Variants in POP1 observed in about 807,000 individuals in gnomAD.
The protein encoded by POP1 is POP1 ribonuclease P/MRP subunit, also known as ribonucleases P/MRP protein subunit POP1.
In POP1, 75 loss-of-function variants were observed where a neutral mutation model predicts 102.2. That is an observed-to-expected ratio of 0.73 (90% CI 0.61 to 0.89). POP1 has a LOEUF of 0.89. Ranked by LOEUF, POP1 falls within the 40% of genes least tolerant of loss-of-function variation. POP1 has a pLI of 0.00. For synonymous variants in POP1, 436 were observed against 464.1 expected (o/e 0.94, Z 0.78); for missense variants, 1,116 against 1,267.4 (o/e 0.88, Z 1.81).
rs1816472081 is a variant in POP1 at position 98,134,460 on chromosome 8, T to C, written c.824-12T>C. 3 of 1,613,882 alleles carry C rather than the reference T, an allele frequency of 1.9e-6. No homozygotes were observed. Among genetic ancestry groups the C allele is most frequent in the Non-Finnish European group, 2.5e-6 (3 of 1,179,984 alleles). On this transcript the variant is annotated splice_polypyrimidine_tract_variant and intron_variant, in intron 6 of 15. Coordinates refer to ENST00000401707, the MANE Select transcript of POP1 (RefSeq NM_001145860.2). The stretch of plus-strand genomic sequence containing the variant: ...ACCCGGAATTATGGAATTTTGCTTT[T>C]GTTGATGTCAGGGCTGACGTTTGCA...
Position 98,157,658 on chromosome 8 carries a change from C to T in POP1, c.2462C>T (p.Pro821Leu), listed in dbSNP as rs763075621. ...AAGCAACTGTCAGCCTGGTGTGGGC[C>T]CAGTTCTGAGGATAGTCGGGGAGGC... ...LLKQLSAWCG[P>L]SSEDSRGGRR... is the part of the protein sequence containing the mutation. The change falls in exon 16 of 16, where the codon CCC becomes CTC. Residue 821 changes from proline (P) to leucine (L), a missense_variant. Transcript: ENST00000401707. 3.7e-6 allele frequency: 6 copies of T among 1,614,172 alleles called. No homozygotes were observed. The South Asian group carries it at 5.5e-5, about 15-fold the overall frequency.
intron 9 of POP1, 94 bp from the exon 10 acceptor site, chr8:98,139,981 TAGA>T: frequency 1.1e-6 from 1 of 923,882 alleles, no homozygotes; most frequent in Non-Finnish European, 1.7e-6. Context: ...TTTCCACACA[TAGA>T]AGAAGAAAGA....
At chr8:98,132,101 C>T (rs906353829) in intron 5 of POP1, among the ~76,000 whole-genome samples, 8 of 152,038 alleles carry the variant, frequency 5.3e-5, no homozygotes, top group Admixed American at 2.6e-4. Flanking sequence ...TTTGATCAGC[C>T]CTAAGTAATA....
Position 98,119,316 on chromosome 8 carries a change from A to G in POP1, c.-3+1926A>G, listed in dbSNP as rs184362704. 2.0e-5 allele frequency among the ~76,000 whole-genome samples: 3 copies of G among 152,352 alleles called. No individual in the cohort carries two copies. In the East Asian group the frequency reaches 5.8e-4, roughly 29 times the overall value. On this transcript the variant is annotated intron_variant, in intron 1 of 15. Transcript: ENST00000401707. ...CCTTTATTCTTAAGACAGATTTTATATCAAGTCTGAATCACCAACTTTTTA... is the reference window on the plus strand; with the variant it reads ...CCTTTATTCTTAAGACAGATTTTATGTCAAGTCTGAATCACCAACTTTTTA...
intron 4 of POP1, among the ~76,000 whole-genome samples, chr8:98,129,329 CA>C (rs1344856647): frequency 2.0e-5 from 3 of 152,192 alleles, no homozygotes; most frequent in African/African-American, 7.2e-5. Flanking sequence ...TAGACTTGAA[CA>C]TTCTAAGATT....
intron 11 of POP1, among the ~76,000 whole-genome samples, chr8:98,142,985 G>A (rs918183954): frequency 1.8e-4 from 28 of 152,156 alleles, no homozygotes; most frequent in African/African-American, 6.5e-4. Flanking sequence ...ATTTCCAAAT[G>A]AGAAAGCCTT....
Position 98,136,541 on chromosome 8 carries a change from C to T in POP1, c.1071C>T (p.Val357=). The T allele has an allele frequency of 6.2e-7, 1 of 1,614,002 alleles. No individual in the cohort carries two copies. The part of the protein sequence containing the change: ...CQCVEPIKSA[V]CIADPLPTPS... Reference sequence around the variant, plus strand: ...GTGTGGAACCCATCAAATCAGCTGTCTGCATCGCTGACCCACTTCCAACAC... The same window carrying T: ...GTGTGGAACCCATCAAATCAGCTGTTTGCATCGCTGACCCACTTCCAACAC... Residue 357 remains valine, a synonymous_variant, in exon 8 of 16, where the codon GTC becomes GTT. Transcript: ENST00000401707.
chr8:98,128,448 T>C lies in POP1; in HGVS notation c.394T>C (p.Phe132Leu). The change falls in exon 4 of 16, where the codon TTT (phenylalanine) becomes CTT (leucine). Residue 132 changes from phenylalanine (F) to leucine (L), a missense_variant. Coordinates refer to ENST00000401707, the MANE Select transcript of POP1 (RefSeq NM_001145860.2). ...CCAGAAGTCTTCGAATTCACTGGTT[T>C]TTCAGACTCTGCCACGGCACATGCG... ...VTQKSSNSLV[F>L]QTLPRHMRRR... The C allele has an allele frequency of 6.2e-7, 1 of 1,614,108 alleles. No individual in the cohort carries two copies.
Position 98,117,376 on chromosome 8 carries a change from C to A in POP1, c.-17C>A. 2.2e-6 allele frequency: 1 copy of A among 463,198 alleles called. No homozygotes were observed. 28.7% of individuals were successfully genotyped at this position (463,198 alleles called of 1,614,324 possible). On this transcript the variant is annotated 5_prime_UTR_variant, in exon 1 of 16. Transcript: ENST00000401707. ...TTGTCATTCTGACCCGGGGATTCCT[C>A]ACAGCGTCTGGCAGGTTGGTCGTGA...
chr8:98,123,236 G>C (rs1470400588), intron 1 of POP1, 100 bp from the exon 2 acceptor site: 2 of 1,386,642 alleles, frequency 1.4e-6, no homozygotes, highest in African/African-American at 2.9e-5. Context: ...TCCATCAATA[G>C]ACTTATTTTG....
chr8:98,126,493 A>G (rs982253947), intron 2 of POP1, among the ~76,000 whole-genome samples: 9 of 152,198 alleles, frequency 5.9e-5, no homozygotes, highest in African/African-American at 2.2e-4. Context: ...CAGCTGTGAT[A>G]TAAATATTTC....
At chr8:98,127,845 C>T in intron 3 of POP1, 83 bp downstream of exon 3, 1 of 1,410,856 alleles carries the variant, frequency 7.1e-7, no homozygotes, top group Non-Finnish European at 1.0e-6. Flanking sequence ...TCCTTGTGGT[C>T]CTGGCTCTGC....
At chr8:98,137,175 A>G (rs1299354458) in intron 9 of POP1, among the ~76,000 whole-genome samples, 1 of 152,218 alleles carries the variant, frequency 6.6e-6, no homozygotes, top group Non-Finnish European at 1.5e-5. Flanking sequence ...TTACTTAAAT[A>G]CAGACTGCTC....
chr8:98,134,738 T>A, intron 7 of POP1, 79 bp downstream of exon 7: 2 of 1,392,718 alleles, frequency 1.4e-6, no homozygotes, highest in East Asian at 2.3e-5. Context: ...TGTAGAAATG[T>A]AAATAGTGTA....
At position 98,156,198 on chromosome 8, in the gene POP1, A is replaced by T. The variant is rs1809642953; in HGVS notation, c.2206A>T (p.Ser736Cys). Reference sequence around the variant, plus strand: ...AGCTTCATCTCCAAATGGTAAGGAGAGTGACCTAAGAAGATCTGAGGTGCC... The same window carrying T: ...AGCTTCATCTCCAAATGGTAAGGAGTGTGACCTAAGAAGATCTGAGGTGCC... ...SVASSPNGKE[S>C]DLRRSEVPCA... Residue 736 changes from serine to cysteine, a missense_variant, in exon 15 of 16, where the codon AGT (serine) becomes TGT (cysteine). Ser to Cys is a moderately radical substitution (Grantham distance 112). Transcript: ENST00000401707. 1.2e-6 allele frequency: 2 copies of T among 1,613,978 alleles called. No individual in the cohort carries two copies. Among genetic ancestry groups the T allele is most frequent in the African/African-American group, 2.7e-5 (2 of 74,870 alleles).
At chr8:98,125,115 C>T (rs998460100) in intron 2 of POP1, among the ~76,000 whole-genome samples, 12 of 151,560 alleles carry the variant, frequency 7.9e-5, no homozygotes, top group African/African-American at 2.9e-4. Flanking sequence ...TAATTAACAC[C>T]ACAATTGAAA....
chr8:98,155,921 GT>G, intron 14 of POP1, 128 bp from the exon 15 acceptor site: 5 of 635,052 alleles, frequency 7.9e-6, no homozygotes, highest in Non-Finnish European at 7.9e-6. Flanking sequence ...GTGTGTGTGT[GT>G]GTGTGTGTGT....
intron 1 of POP1, chr8:98,117,846 TG>T (rs1173221940): frequency 6.6e-6 from 1 of 152,360 alleles, no homozygotes; most frequent in Non-Finnish European, 1.5e-5. Context: ...GATGGTGATC[TG>T]GAATGGCCCA....
intron 13 of POP1, among the ~76,000 whole-genome samples, chr8:98,150,131 C>T (rs535731995): frequency 3.3e-5 from 5 of 152,262 alleles, no homozygotes; most frequent in Non-Finnish European, 4.4e-5. Flanking sequence ...CCGCTGATTT[C>T]GGTATTTGCT....
Sources: gnomAD v4.1 joint callset for allele counts (sites outside exome capture counted in the v4.1 genomes callset) on GRCh38, gnomAD v4.1.1 for gene constraint, MANE v1.5 for transcripts, NCBI Gene and HGNC (gene_info 2026-07-23, HGNC 2026-07-21) for gene names.